Variants in PCDHGA1 observed in about 807,000 individuals in gnomAD.
The protein encoded by PCDHGA1 is protocadherin gamma subfamily A, 1, also known as protocadherin gamma-A1.
In PCDHGA1, 32 loss-of-function variants were observed where a neutral mutation model predicts 58.0. The ratio of observed to expected loss-of-function variants is 0.55; its 90% CI spans 0.42 to 0.74. The LOEUF is 0.74. Among genes scored for constraint, PCDHGA1 ranks in the 30% least tolerant of loss-of-function variants. PCDHGA1 has a pLI of 0.00. For synonymous variants in PCDHGA1, 498 were observed against 501.1 expected (o/e 0.99, Z 0.08); for missense variants, 1,205 against 1,182.3 (o/e 1.02, Z -0.28).
chr5:141,372,384 T>G, intron 1 of PCDHGA1: 1 of 1,613,990 alleles, frequency 6.2e-7, no homozygotes, highest in Non-Finnish European at 8.5e-7. Flanking sequence ...GCACCTAATC[T>G]TCGCAGATAG....
chr5:141,384,719 T>A (rs758469916), intron 1 of PCDHGA1: 1 of 1,614,100 alleles, frequency 6.2e-7, no homozygotes, highest in Non-Finnish European at 8.5e-7. Context: ...CTGTCATACC[T>A]CCTGCTTAAG....
At position 141,332,015 on chromosome 5, in the gene PCDHGA1, A is replaced by G; in HGVS notation, c.1331A>G (p.Asp444Gly). 4 of 1,614,202 alleles carry G rather than the reference A, an allele frequency of 2.5e-6. No individual in the cohort carries two copies. The highest frequency in any genetic ancestry group is 3.4e-6 in the Non-Finnish European group (4 of 1,180,038). ...TETHISLLVT[D>G]INDNSPVFHQ... ...ACTCACATTTCACTACTAGTGACAG[A>G]TATCAATGACAACTCCCCAGTCTTC... The change falls in exon 1 of 4, where the codon GAT becomes GGT. Residue 444 changes from aspartate (D) to glycine (G), a missense_variant. Asp to Gly is a moderately conservative substitution (Grantham distance 94). Transcript: ENST00000517417. The surrounding 1 kb of genome is among the most constrained non-coding windows in gnomAD (Gnocchi z 4.6).
At chr5:141,344,587 T>G (rs749601680) in intron 1 of PCDHGA1, 2 of 1,613,870 alleles carry the variant, frequency 1.2e-6, no homozygotes, top group African/African-American at 2.7e-5. Context: ...GTGAATAGCG[T>G]CTCTGAGGGG....
chr5:141,400,954 G>A (rs1195267748), intron 1 of PCDHGA1, among the ~76,000 whole-genome samples: 1 of 152,014 alleles, frequency 6.6e-6, no homozygotes, highest in African/African-American at 2.4e-5. Context: ...GATTTCACTG[G>A]TAGTTTTCAT....
chr5:141,499,689 CTTTTTTTTTTTT>C (rs545067566), intron 2 of PCDHGA1, among the ~76,000 whole-genome samples: 1 of 119,856 alleles, frequency 8.3e-6, no homozygotes, highest in Non-Finnish European at 1.7e-5. Flanking sequence ...TAACAGATGA[CTTTTTTTTTTTT>C]TTTTTTTTTT....
intron 1 of PCDHGA1, chr5:141,375,974 G>T: frequency 6.2e-7 from 1 of 1,613,354 alleles, no homozygotes; most frequent in Non-Finnish European, 8.5e-7. Context: ...CACGGCGCGC[G>T]CCCTGCTGGA....
chr5:141,347,873 T>C (rs533227612), intron 1 of PCDHGA1, among the ~76,000 whole-genome samples: 23 of 152,314 alleles, frequency 1.5e-4, no homozygotes, highest in Non-Finnish European at 2.6e-4. Flanking sequence ...TATGTGTGTA[T>C]TCATTTTGAT....
intron 1 of PCDHGA1, chr5:141,399,317 C>T (rs368407532): frequency 2.0e-5 from 33 of 1,613,814 alleles, no homozygotes; most frequent in Non-Finnish European, 2.8e-5. Flanking sequence ...TCCAAAAATT[C>T]GTATAAGTTG....
chr5:141,485,247 G>T lies in PCDHGA1; in HGVS notation c.2422-9560G>T. On this transcript the variant is annotated intron_variant, in intron 1 of 3. Coordinates refer to ENST00000517417, the MANE Select transcript of PCDHGA1 (RefSeq NM_018912.3). The surrounding 1 kb of genome is among the most constrained non-coding windows in gnomAD (Gnocchi z 5.7). ...CTTTTGTTCCTCTTTTACCACCTGG[G>T]TTACGTTTGTGGGCAGATCCGCTAC... The T allele has an allele frequency of 2.5e-6, 4 of 1,614,156 alleles. No individual in the cohort carries two copies. The highest frequency in any genetic ancestry group is 3.4e-6 in the Non-Finnish European group (4 of 1,180,010).
chr5:141,415,056 G>T, intron 1 of PCDHGA1: 1 of 1,613,416 alleles, frequency 6.2e-7, no homozygotes. Context: ...GGGAGCACAC[G>T]GGCGAGGTGC....
At chr5:141,389,463 G>A (rs1201903320) in intron 1 of PCDHGA1, 7 of 1,613,192 alleles carry the variant, frequency 4.3e-6, no homozygotes, top group South Asian at 1.1e-5. Context: ...GCGCGCCTTC[G>A]AACTCACACT....
At position 141,355,553 on chromosome 5, in the gene PCDHGA1, G is replaced by A. The variant is rs758635124; in HGVS notation, c.2421+22448G>A. 40 of 1,613,896 alleles carry A rather than the reference G, an allele frequency of 2.5e-5. No homozygotes were observed. The highest frequency in any genetic ancestry group is 1.0e-4 in the Admixed American group (6 of 60,004). ...CTAGAAGATACAGTGAAGATTTTGC[G>A]GGTAGAGGTGGAAATAATCGATGTT... is the stretch of plus-strand genomic sequence containing the variant. On this transcript the variant is annotated intron_variant, in intron 1 of 3. Coordinates refer to ENST00000517417, the MANE Select transcript of PCDHGA1 (RefSeq NM_018912.3).
rs1182148013 is a variant in PCDHGA1 at position 141,431,510 on chromosome 5, G to A, written c.2422-63297G>A. 2 of 1,613,904 alleles carry A rather than the reference G, an allele frequency of 1.2e-6. No individual in the cohort carries two copies. Among genetic ancestry groups the A allele is most frequent in the Admixed American group, 1.7e-5 (1 of 60,016 alleles). Reference sequence around the variant, plus strand: ...TGCTCAGCCCGAGTACCGCGCGAGCGTTCCGGAGAATCTGGCCTTGGGCAC... The same window carrying A: ...TGCTCAGCCCGAGTACCGCGCGAGCATTCCGGAGAATCTGGCCTTGGGCAC... On this transcript the variant is annotated intron_variant, in intron 1 of 3. Coordinates refer to ENST00000517417, the MANE Select transcript of PCDHGA1 (RefSeq NM_018912.3). The surrounding 1 kb of genome is among the most constrained non-coding windows in gnomAD (Gnocchi z 4.8).
Position 141,490,503 on chromosome 5 carries a change from C to A in PCDHGA1, c.2422-4304C>A, listed in dbSNP as rs2099701103. On this transcript the variant is annotated intron_variant, in intron 1 of 3. Coordinates refer to ENST00000517417, the MANE Select transcript of PCDHGA1 (RefSeq NM_018912.3). The surrounding 1 kb of genome is among the most constrained non-coding windows in gnomAD (Gnocchi z 5.4). ...ACCGGGAGGCCACATCCCACTATAT[C>A]ATCGAGCTGCTGGCCAGCGATGCTG... 3.7e-6 allele frequency: 6 copies of A among 1,614,206 alleles called. No individual in the cohort carries two copies. In the African/African-American group the frequency reaches 8.0e-5, roughly 22 times the overall value.
At chr5:141,339,679 C>T (rs780890737) in intron 1 of PCDHGA1, 3 of 1,614,156 alleles carry the variant, frequency 1.9e-6, no homozygotes, top group South Asian at 1.1e-5. Flanking sequence ...TGGATGCGAA[C>T]GACAATGCGC....
chr5:141,431,901 A>G lies in PCDHGA1; in HGVS notation c.2422-62906A>G, dbSNP rs1373642371. 5.0e-6 allele frequency: 8 copies of G among 1,613,872 alleles called. No homozygotes were observed. The highest frequency in any genetic ancestry group is 1.6e-4 in the Middle Eastern group (1 of 6,062). On this transcript the variant is annotated intron_variant, in intron 1 of 3. Coordinates refer to ENST00000517417, the MANE Select transcript of PCDHGA1 (RefSeq NM_018912.3). This position sits in a 1 kb window ranked among gnomAD's most constrained non-coding sequence, Gnocchi z 4.8. Reference sequence around the variant, plus strand: ...GACCAAGATTCTGAGGAAAACGGACAGGTGATCTGTTTCATCCAAGGAAAT... The same window carrying G: ...GACCAAGATTCTGAGGAAAACGGACGGGTGATCTGTTTCATCCAAGGAAAT...
chr5:141,488,565 C>A (rs1308485284), intron 1 of PCDHGA1, among the ~76,000 whole-genome samples: 1 of 152,174 alleles, frequency 6.6e-6, no homozygotes, highest in Non-Finnish European at 1.5e-5. Flanking sequence ...GAGATTTCCG[C>A]AAAGCATTGC....
intron 2 of PCDHGA1, among the ~76,000 whole-genome samples, chr5:141,497,132 G>T (rs2099774325): frequency 6.6e-6 from 1 of 152,046 alleles, no homozygotes; most frequent in Non-Finnish European, 1.5e-5. Context: ...GTTGCAGTGA[G>T]CTGAGATCAC....
At chr5:141,346,462 GTTTA>G (rs940161921) in intron 1 of PCDHGA1, 25 of 1,613,834 alleles carry the variant, frequency 1.5e-5, no homozygotes, top group African/African-American at 1.2e-4. Context: ...CTTCAGGTGA[GTTTA>G]TTTATTTCTT....
Sources: allele counts gnomAD v4.1 joint callset (sites outside exome capture counted in the v4.1 genomes callset), GRCh38; gene constraint gnomAD v4.1.1; non-coding constraint Gnocchi (gnomAD v3.1); transcripts MANE v1.5; gene names NCBI Gene and HGNC (gene_info 2026-07-23, HGNC 2026-07-21).